The following AGBL1 variants were observed in gnomAD, a reference collection of about 807,000 sequenced individuals.
AGBL1 encodes AGBL carboxypeptidase 1.
AGBL1 carries 130 observed loss-of-function variants against 118.9 expected under a neutral mutation model. The observed-to-expected ratio is 1.09, with a 90% CI of 0.95 to 1.26. The LOEUF is 1.26. Ranked by LOEUF, AGBL1 falls within the 50% of genes most tolerant of loss-of-function variation. The probability of loss-of-function intolerance (pLI) is 0.00; values close to 1 mark genes in which losing one functional copy is unlikely to be tolerated. For synonymous variants in AGBL1, 555 were observed against 478.9 expected, an observed-to-expected ratio of 1.16 and a Z score of -2.08; for missense variants, 1,584 against 1,298.1, an observed-to-expected ratio of 1.22 and a Z score of -3.38.
chr15:86,595,576 A>G (rs2084393817), intron 21 of AGBL1, among the ~76,000 whole-genome samples: 1 of 151,650 alleles, frequency 6.6e-6, no homozygotes, highest in Non-Finnish European at 1.5e-5. Context: ...ATCTCCTCTC[A>G]CCCTCTCCTG....
chr15:86,676,156 A>G (rs915741057), intron 22 of AGBL1, among the ~76,000 whole-genome samples: 8 of 152,326 alleles, frequency 5.3e-5, no homozygotes, highest in Admixed American at 3.9e-4. Flanking sequence ...CCAGTCTAGG[A>G]AAGATACCTG....
At chr15:86,658,754 A>C (rs12592808) in intron 21 of AGBL1, among the ~76,000 whole-genome samples, 2,991 of 152,282 alleles carry the variant, frequency 0.02, 38 homozygotes, top group East Asian at 0.076. Flanking sequence ...TTTGGCCCAT[A>C]ACCCCATTAA....
intron 21 of AGBL1, among the ~76,000 whole-genome samples, chr15:86,614,282 T>A (rs2084693919): frequency 6.6e-6 from 1 of 152,208 alleles, no homozygotes; most frequent in South Asian, 2.1e-4. Flanking sequence ...ATTTAGCTCA[T>A]CCTTATTGTC....
intron 21 of AGBL1, among the ~76,000 whole-genome samples, chr15:86,656,148 T>C (rs1166706873): frequency 6.6e-6 from 1 of 152,214 alleles, no homozygotes; most frequent in African/African-American, 2.4e-5. Flanking sequence ...ATATTTCTAC[T>C]GGCCTTTGTT....
rs749210181 is a variant in AGBL1, at chr15:86,673,292, A to T, written c.2995-981A>T. Among the ~76,000 whole-genome samples, 47 of 152,228 alleles carry T rather than the reference A, an allele frequency of 3.1e-4. 1 individual carries two copies. The highest frequency in any genetic ancestry group is 6.3e-4 in the South Asian group (3 of 4,760). On this transcript the variant is annotated intron_variant, in intron 21 of 22. Coordinates refer to ENST00000614907, the MANE Select transcript of AGBL1 (RefSeq NM_001386094.1). Reference sequence around the variant, plus strand: ...GGAGAATTATGATTCCATTTTACAGATGAGAAAATCAAGGCAAAAAGAGTT... The same window carrying T: ...GGAGAATTATGATTCCATTTTACAGTTGAGAAAATCAAGGCAAAAAGAGTT...
chr15:86,322,862 C>T (rs926033264), intron 17 of AGBL1, among the ~76,000 whole-genome samples: 2 of 152,196 alleles, frequency 1.3e-5, no homozygotes, highest in Non-Finnish European at 2.9e-5. Flanking sequence ...AGTAATTTTT[C>T]TTGCCACTCC....
chr15:86,293,053 C>G (rs559604661), intron 16 of AGBL1, among the ~76,000 whole-genome samples: 1 of 152,174 alleles, frequency 6.6e-6, no homozygotes. Context: ...GTAATCTTTT[C>G]TTTTCTTGGC....
intron 22 of AGBL1, among the ~76,000 whole-genome samples, chr15:86,740,360 C>T (rs751395104): frequency 3.3e-5 from 5 of 152,154 alleles, no homozygotes; most frequent in Non-Finnish European, 7.4e-5. Flanking sequence ...ACATTTTTTG[C>T]TCCAGCTTGC....
rs565794735 is a variant in AGBL1 at position 86,430,566 on chromosome 15, A to C, written c.2555+33020A>C. Among the ~76,000 whole-genome samples the C allele has an allele frequency of 1.3e-3, 192 of 152,214 alleles. 1 individual carries two copies. Among genetic ancestry groups the C allele is most frequent in the Non-Finnish European group, 1.3e-3 (89 of 68,010 alleles). On this transcript the variant is annotated intron_variant, in intron 18 of 22. Coordinates refer to ENST00000614907, the MANE Select transcript of AGBL1 (RefSeq NM_001386094.1). ...ACACTATTCTAGATCTTAGGGAAGC[A>C]GTGATATAATCTTATCCTCAAAAGC...
chr15:86,956,609 T>C (rs1219159557), intron 23 of AGBL1, among the ~76,000 whole-genome samples: 2 of 152,186 alleles, frequency 1.3e-5, no homozygotes, highest in Non-Finnish European at 2.9e-5. Context: ...ATCCATGTCA[T>C]GGAGAGTGAT....
chr15:86,468,172 A>C (rs1321794113), intron 18 of AGBL1, among the ~76,000 whole-genome samples: 1 of 152,112 alleles, frequency 6.6e-6, no homozygotes, highest in East Asian at 1.9e-4. Flanking sequence ...GCCTTGAAGA[A>C]AAATTGCATG....
intron 7 of AGBL1, among the ~76,000 whole-genome samples, chr15:86,255,088 C>T (rs2078873593): frequency 6.6e-6 from 1 of 152,186 alleles, no homozygotes; most frequent in Admixed American, 6.5e-5. Context: ...CAAAGACCAT[C>T]ACAAACATAC....
chr15:86,855,091 T>C (rs914212234), intron 22 of AGBL1, among the ~76,000 whole-genome samples: 3 of 152,216 alleles, frequency 2.0e-5, no homozygotes, highest in Non-Finnish European at 4.4e-5. Flanking sequence ...TGTGATCTTA[T>C]TGTGATGCTG....
chr15:86,621,081 GTCT>G, intron 21 of AGBL1, among the ~76,000 whole-genome samples: 1 of 152,240 alleles, frequency 6.6e-6, no homozygotes, highest in South Asian at 2.1e-4. Context: ...TTTGTGTGAG[GTCT>G]TCTTTGCACT....
intron 18 of AGBL1, among the ~76,000 whole-genome samples, chr15:86,407,643 G>A (rs922781557): frequency 3.3e-5 from 5 of 152,200 alleles, no homozygotes; most frequent in East Asian, 1.9e-4. Flanking sequence ...GAACTTGTGC[G>A]CATAACAATC....
chr15:86,210,112 T>A (rs1360368712), intron 5 of AGBL1, among the ~76,000 whole-genome samples: 1 of 152,210 alleles, frequency 6.6e-6, no homozygotes, highest in African/African-American at 2.4e-5. Flanking sequence ...GGGTTGAAAA[T>A]TCTTTTCTTT....
chr15:86,212,506 C>T (rs2078115557), intron 5 of AGBL1, among the ~76,000 whole-genome samples: 1 of 152,116 alleles, frequency 6.6e-6, no homozygotes, highest in Admixed American at 6.6e-5. Context: ...TCCCTTTCAA[C>T]CTTGGGGTGA....
chr15:86,776,202 GT>G (rs1269659093), intron 22 of AGBL1, among the ~76,000 whole-genome samples: 1 of 152,112 alleles, frequency 6.6e-6, no homozygotes, highest in Non-Finnish European at 1.5e-5. Context: ...GATGATCACA[GT>G]TTACAGATCC....
rs145493526 is a variant in AGBL1, at chr15:86,420,042, G to A, written c.2555+22496G>A. 3.2e-3 allele frequency among the ~76,000 whole-genome samples: 482 copies of A among 152,318 alleles called. 1 individual carries two copies. The highest frequency in any genetic ancestry group is 0.011 in the African/African-American group (455 of 41,560). Reference sequence around the variant, plus strand: ...AGGGGTGGCTGTGGGCACAGCTTCAGCAGACTTAAAACATTCCTGCCTGCT... The same window carrying A: ...AGGGGTGGCTGTGGGCACAGCTTCAACAGACTTAAAACATTCCTGCCTGCT... On this transcript the variant is annotated intron_variant, in intron 18 of 22. Coordinates refer to ENST00000614907, the MANE Select transcript of AGBL1 (RefSeq NM_001386094.1).
Sources: gnomAD v4.1 joint callset for allele counts (sites outside exome capture counted in the v4.1 genomes callset) on GRCh38, gnomAD v4.1.1 for gene constraint, MANE v1.5 for transcripts, NCBI Gene and HGNC (gene_info 2026-07-23, HGNC 2026-07-21) for gene names.